Variants in ANO3 observed in about 807,000 individuals in gnomAD.
ANO3 encodes anoctamin 3, also known as anoctamin-3.
ANO3 carries 99 observed loss-of-function variants against 144.8 expected under a neutral mutation model. That is an observed-to-expected ratio of 0.68 (90% CI 0.58 to 0.81). The LOEUF is 0.81. ANO3 is among the 30% of genes least tolerant of loss of function. The pLI is 0.00. For missense variants in ANO3, 905 were observed against 1,202.2 expected (o/e 0.75, Z 3.66); for synonymous variants, 414 against 392.6 (o/e 1.05, Z -0.64).
chr11:26,251,961 A>G (rs945363130), intron 1 of ANO3, among the ~76,000 whole-genome samples: 1 of 152,206 alleles, frequency 6.6e-6, no homozygotes, highest in African/African-American at 2.4e-5. Flanking sequence ...AGTCCAAACC[A>G]TATCAGTGAG....
At position 26,537,568 on chromosome 11, in the gene ANO3, T is replaced by A; in HGVS notation, c.1032+107T>A. On this transcript the variant is annotated intron_variant, in intron 10 of 26. Transcript: ENST00000256737. ...GCTGTCCACTCCCAGGAGGATTCAG[T>A]CTGCAAGTAGCCATGGGCCTTCTGT... 8.3e-6 allele frequency: 8 copies of A among 960,026 alleles called. 1 individual carries two copies. In the South Asian group the frequency reaches 1.1e-4, roughly 13 times the overall value. 59.5% of individuals were successfully genotyped at this position (960,026 alleles called of 1,614,324 possible). A position where few individuals can be genotyped will look rare whatever the true frequency, so the allele number is the denominator to read the frequency against.
At chr11:26,566,034 T>A in intron 14 of ANO3, 6 of 911,106 alleles carry the variant, frequency 6.6e-6, no homozygotes, top group Non-Finnish European at 7.8e-6. Context: ...CAAAATTGCT[T>A]ATTTTGGATT....
intron 4 of ANO3, among the ~76,000 whole-genome samples, chr11:26,492,081 A>G (rs1180201519): frequency 1.3e-5 from 2 of 152,172 alleles, no homozygotes; most frequent in Admixed American, 6.5e-5. Context: ...ATAAGCAAAA[A>G]TATATTGATT....
intron 26 of ANO3, among the ~76,000 whole-genome samples, chr11:26,657,446 T>C (rs772642368): frequency 2.6e-5 from 4 of 152,144 alleles, no homozygotes; most frequent in Non-Finnish European, 5.9e-5. Context: ...ACTTCTGTTG[T>C]GTTTTTATTT....
intron 14 of ANO3, among the ~76,000 whole-genome samples, chr11:26,563,518 C>G (rs1231789825): frequency 6.6e-6 from 1 of 151,366 alleles, no homozygotes; most frequent in Non-Finnish European, 1.5e-5. Flanking sequence ...TGAAATACTT[C>G]TAAGTCTTAG....
At chr11:26,658,176 A>G (rs1165375574) in intron 26 of ANO3, among the ~76,000 whole-genome samples, 1 of 151,926 alleles carries the variant, frequency 6.6e-6, no homozygotes, top group Non-Finnish European at 1.5e-5. Context: ...TAGATATCCA[A>G]TTTTCCCTCC....
chr11:26,280,248 TTTA>T (rs923336836), intron 1 of ANO3, among the ~76,000 whole-genome samples: 2 of 152,202 alleles, frequency 1.3e-5, no homozygotes, highest in African/African-American at 4.8e-5. Flanking sequence ...GTCACCTCTT[TTTA>T]TTATCACATC....
chr11:26,425,433 A>C (rs1857891140), intron 1 of ANO3, among the ~76,000 whole-genome samples: 1 of 152,062 alleles, frequency 6.6e-6, no homozygotes, highest in Admixed American at 6.6e-5. Context: ...GTTCTTTAGA[A>C]ATTTCAGTTT....
intron 5 of ANO3, among the ~76,000 whole-genome samples, chr11:26,512,775 T>A (rs931735329): frequency 2.0e-5 from 3 of 152,204 alleles, no homozygotes; most frequent in Non-Finnish European, 4.4e-5. Context: ...AGTAATGAAT[T>A]AATAACCAGT....
chr11:26,265,257 T>C (rs112923727), intron 1 of ANO3, among the ~76,000 whole-genome samples: 3,929 of 152,252 alleles, frequency 0.026, 63 homozygotes, highest in Non-Finnish European at 0.041. Flanking sequence ...ATTCAATGGT[T>C]TTTCTTTGTC....
At chr11:26,617,385 GC>G (rs1247303750) in intron 17 of ANO3, among the ~76,000 whole-genome samples, 7 of 152,296 alleles carry the variant, frequency 4.6e-5, no homozygotes, top group Admixed American at 6.5e-5. Context: ...GAAAACAAAG[GC>G]TGAACTCAGT....
chr11:26,615,412 ATAT>A (rs1469107260), intron 17 of ANO3, among the ~76,000 whole-genome samples: 323 of 105,046 alleles, frequency 3.1e-3, no homozygotes, highest in African/African-American at 6.3e-3. Flanking sequence ...ATATATATAT[ATAT>A]TTTTTTTTTT....
At chr11:26,611,066 A>C (rs927132296) in intron 17 of ANO3, among the ~76,000 whole-genome samples, 6 of 151,946 alleles carry the variant, frequency 3.9e-5, no homozygotes, top group Non-Finnish European at 8.8e-5. Flanking sequence ...CATATTTGTT[A>C]ATCTTTTCAA....
rs1319020361 is a variant in ANO3, at chr11:26,442,005, C to G, written c.134C>G (p.Ala45Gly). 2 of 1,614,176 alleles carry G rather than the reference C, an allele frequency of 1.2e-6. No homozygotes were observed. The highest frequency in any genetic ancestry group is 1.7e-5 in the Admixed American group (1 of 60,028). The part of the protein sequence containing the change: ...RSLPCLAQSY[A>G]YSKSLSQSTS... ...CTGCCTTGCCTCGCCCAGAGCTACG[C>G]TTACTCAAAGAGCTTGAGCCAGTCT... The change falls in exon 2 of 27, where the codon GCT becomes GGT. Residue 45 changes from alanine (A) to glycine (G), a missense_variant. Transcript: ENST00000256737.
chr11:26,589,211 A>G (rs1201471108), intron 14 of ANO3, among the ~76,000 whole-genome samples: 1 of 152,198 alleles, frequency 6.6e-6, no homozygotes, highest in Non-Finnish European at 1.5e-5. Context: ...CAAAATCCAC[A>G]TGATGATAAC....
chr11:26,632,042 G>A (rs7112784), intron 18 of ANO3, among the ~76,000 whole-genome samples: 100,813 of 151,488 alleles, frequency 0.67, 34,211 homozygotes, highest in Non-Finnish European at 0.75. Flanking sequence ...ACCAAAAAAA[G>A]TTAGCCAAGC....
At chr11:26,313,661 TG>T (rs1854554658) in intron 1 of ANO3, among the ~76,000 whole-genome samples, 1 of 151,712 alleles carries the variant, frequency 6.6e-6, no homozygotes, top group South Asian at 2.1e-4. Flanking sequence ...CACTCCAGCC[TG>T]GTGATGAAGC....
chr11:26,474,002 A>G, intron 4 of ANO3: 1 of 985,152 alleles, frequency 1.0e-6, no homozygotes, highest in Non-Finnish European at 1.2e-6. Flanking sequence ...TTAATGGAAA[A>G]AGCAGGCGGT....
intron 4 of ANO3, among the ~76,000 whole-genome samples, chr11:26,477,748 G>A (rs534106865): frequency 6.6e-6 from 1 of 152,118 alleles, no homozygotes; most frequent in South Asian, 2.1e-4. Context: ...GGAATATGTA[G>A]AATAGAGTTA....
Sources: allele counts gnomAD v4.1 joint callset (sites outside exome capture counted in the v4.1 genomes callset), GRCh38; gene constraint gnomAD v4.1.1; transcripts MANE v1.5; gene names NCBI Gene and HGNC (gene_info 2026-07-23, HGNC 2026-07-21).